Variants in LAMB4 observed in about 807,000 individuals in gnomAD.
LAMB4 encodes the protein laminin subunit beta-4.
Under a neutral mutation model 199.2 loss-of-function variants are expected in LAMB4, and 196 were observed. The observed-to-expected ratio is 0.98, with a 90% CI of 0.88 to 1.11. LAMB4 has a LOEUF of 1.11. LAMB4 is among the 50% of genes least tolerant of loss of function. The pLI is 0.00. For missense variants in LAMB4, 2,080 were observed against 2,171.2 expected, an observed-to-expected ratio of 0.96 and a Z score of 0.83; for synonymous variants, 744 against 770.6, an observed-to-expected ratio of 0.97 and a Z score of 0.57.
At chr7:108,048,158 CTTTTTTTTTTT>C (rs747991620) in intron 27 of LAMB4, 47 bp from the exon 28 acceptor site, 9 of 463,312 alleles carry the variant, frequency 1.9e-5, no homozygotes, top group African/African-American at 1.1e-4. Flanking sequence ...GTTGTCAGAG[CTTTTTTTTTTT>C]TTTTTTTTTT....
intron 2 of LAMB4, among the ~76,000 whole-genome samples, chr7:108,118,519 A>T (rs755874369): frequency 1.3e-5 from 2 of 152,182 alleles, no homozygotes; most frequent in African/African-American, 2.4e-5. Context: ...ATGCAACTCA[A>T]TGGAGGAAGA....
downstream of LAMB4, among the ~76,000 whole-genome samples, chr7:108,022,178 T>C (rs745879347): frequency 4.6e-5 from 7 of 152,244 alleles, no homozygotes; most frequent in Non-Finnish European, 1.0e-4. Context: ...TGCTGTCAGA[T>C]ATCCTTTGAA....
At chr7:108,114,778 G>A (rs894459123) in intron 3 of LAMB4, among the ~76,000 whole-genome samples, 1 of 152,148 alleles carries the variant, frequency 6.6e-6, no homozygotes, top group Non-Finnish European at 1.5e-5. Context: ...TTTATGGGGT[G>A]GACGTGATTA....
intron 31 of LAMB4, 27 bp from the exon 32 acceptor site, chr7:108,031,006 G>C (rs766355268): frequency 6.3e-7 from 1 of 1,592,838 alleles, no homozygotes; most frequent in East Asian, 2.3e-5. Flanking sequence ...GACCAAAAAG[G>C]GAAAATCTCT....
chr7:108,073,572 G>A (rs2036603483), intron 17 of LAMB4, among the ~76,000 whole-genome samples: 3 of 152,214 alleles, frequency 2.0e-5, no homozygotes, highest in Admixed American at 2.0e-4. Context: ...GATAAACAAA[G>A]GTTTCCTTTG....
intron 14 of LAMB4, 151 bp downstream of exon 14, chr7:108,091,475 G>T (rs2037398670): frequency 6.2e-6 from 5 of 801,106 alleles, no homozygotes; most frequent in Middle Eastern, 2.8e-4. Flanking sequence ...TATATAATCT[G>T]CATTTGCAGG....
At chr7:108,078,114 C>T in intron 16 of LAMB4, 87 bp downstream of exon 16, 1 of 841,438 alleles carries the variant, frequency 1.2e-6, no homozygotes, top group East Asian at 2.7e-5. Context: ...CCTCCTCTTT[C>T]TCCACTTAGT....
intron 16 of LAMB4, 40 bp from the exon 17 acceptor site, chr7:108,077,104 A>G: frequency 6.2e-7 from 1 of 1,603,352 alleles, no homozygotes; most frequent in Non-Finnish European, 8.5e-7. Flanking sequence ...AGACCACAGA[A>G]ATACAATTAT....
At chr7:108,123,591 C>A (rs1399612560) in intron 1 of LAMB4, among the ~76,000 whole-genome samples, 2 of 152,084 alleles carry the variant, frequency 1.3e-5, no homozygotes, top group Non-Finnish European at 2.9e-5. Flanking sequence ...AAAAATATCA[C>A]CTATAATACC....
At chr7:108,102,967 G>C (rs2037864985) in intron 10 of LAMB4, 77 bp downstream of exon 10, 5 of 1,296,966 alleles carry the variant, frequency 3.9e-6, no homozygotes, top group East Asian at 4.8e-5. Flanking sequence ...AGCAGATAAG[G>C]TGCGGGCAGC....
chr7:108,071,764 C>G (rs1273723740), intron 17 of LAMB4, among the ~76,000 whole-genome samples: 1 of 152,148 alleles, frequency 6.6e-6, no homozygotes, highest in African/African-American at 2.4e-5. Context: ...TTCAGGCCAC[C>G]TGGATGATTA....
rs747828142 is a variant in LAMB4 at position 108,057,922 on chromosome 7, C to A, written c.3289G>T (p.Gly1097Cys). 18 of 1,611,734 alleles carry A rather than the reference C, an allele frequency of 1.1e-5. No individual in the cohort carries two copies. The highest frequency in any genetic ancestry group is 1.5e-5 in the Non-Finnish European group (18 of 1,177,876). Residue 1097 changes from glycine to cysteine, a missense_variant, in exon 24 of 34, where the codon GGC (glycine) becomes TGC (cysteine). By Grantham distance (159) the Gly-to-Cys change is radical. Transcript: ENST00000388781. ...TAACCTAATTTACACGGACACTGGC[C>A]TGTAAGCTGTGAGAACAGTCATGGG... ...SQSSHCDQLT[G>C]QCPCKLGYGG... is the part of the protein sequence containing the mutation.
At chr7:108,087,865 C>T (rs1373832635) in intron 14 of LAMB4, among the ~76,000 whole-genome samples, 1 of 152,222 alleles carries the variant, frequency 6.6e-6, no homozygotes, top group African/African-American at 2.4e-5. Flanking sequence ...TCCCCAGAGG[C>T]TCTGATTTCT....
chr7:108,123,324 G>A (rs2038664806), intron 1 of LAMB4, 127 bp from the exon 2 acceptor site: 8 of 451,440 alleles, frequency 1.8e-5, no homozygotes, highest in Non-Finnish European at 2.7e-5. Context: ...TAACCACACT[G>A]TCCAGATCCT....
chr7:108,099,766 A>G (rs2037753902), intron 10 of LAMB4, among the ~76,000 whole-genome samples: 3 of 152,206 alleles, frequency 2.0e-5, no homozygotes, highest in Admixed American at 6.5e-5. Context: ...CTATATAACC[A>G]CCATTTAGGT....
chr7:108,110,490 A>T (rs1379509786), intron 4 of LAMB4, among the ~76,000 whole-genome samples: 2 of 152,192 alleles, frequency 1.3e-5, no homozygotes, highest in Non-Finnish European at 2.9e-5. Flanking sequence ...ACTACAGTGA[A>T]TCGGGGTTCA....
At chr7:108,046,740 A>G (rs1387560243) in intron 28 of LAMB4, among the ~76,000 whole-genome samples, 1 of 152,076 alleles carries the variant, frequency 6.6e-6, no homozygotes, top group East Asian at 1.9e-4. Context: ...GAATGAGTTC[A>G]AGGTATGGTT....
In LAMB4 at chr7:108,091,669, T is replaced by C. The variant is rs1365597980; in HGVS notation, c.1658A>G (p.Tyr553Cys). The change falls in exon 14 of 34, where the codon TAC (tyrosine) becomes TGC (cysteine). Residue 553 changes from tyrosine (Y) to cysteine (C), a missense_variant. Tyr to Cys is a radical substitution (Grantham distance 194). Coordinates refer to ENST00000388781, the MANE Select transcript of LAMB4 (RefSeq NM_007356.3). The stretch of plus-strand genomic sequence containing the variant: ...GAGTGTTGTGGCTTCCTCTGCCTCG[T>C]AGAGATAGAAATTCAAAGGAGCAAA... ...YFFAPLNFYL[Y>C]EAEEATTLQG... 5 of 1,614,004 alleles carry C rather than the reference T, an allele frequency of 3.1e-6. No homozygotes were observed. The highest frequency in any genetic ancestry group is 4.2e-6 in the Non-Finnish European group (5 of 1,180,014).
At chr7:108,124,251 A>C (rs2038700809) in intron 1 of LAMB4, among the ~76,000 whole-genome samples, 1 of 152,154 alleles carries the variant, frequency 6.6e-6, no homozygotes, top group African/African-American at 2.4e-5. Context: ...TAATTACTGC[A>C]TAGTATTAGT....
Sources: gnomAD v4.1 joint callset for allele counts (sites outside exome capture counted in the v4.1 genomes callset) on GRCh38, gnomAD v4.1.1 for gene constraint, MANE v1.5 for transcripts, NCBI Gene and HGNC (gene_info 2026-07-23, HGNC 2026-07-21) for gene names.